Variants in SYNPO2 observed in about 807,000 individuals in gnomAD.
SYNPO2 encodes synaptopodin-2.
Under a neutral mutation model 85.0 loss-of-function variants are expected in SYNPO2, and 56 were observed. That is an observed-to-expected ratio of 0.66 (90% CI 0.53 to 0.82). The LOEUF (loss-of-function observed/expected upper bound fraction) is 0.82, where lower values mean the gene tolerates loss of function less well. Ranked by LOEUF, SYNPO2 falls within the 40% of genes least tolerant of loss-of-function variation. SYNPO2 has a pLI of 0.00. For missense variants in SYNPO2, 1,575 were observed against 1,534.2 expected (o/e 1.03, Z -0.44); for synonymous variants, 602 against 591.1 (o/e 1.02, Z -0.27).
chr4:118,883,018 C>A (rs1488614711), intron 1 of SYNPO2, among the ~76,000 whole-genome samples: 1 of 151,358 alleles, frequency 6.6e-6, no homozygotes, highest in Non-Finnish European at 1.5e-5. Context: ...TCCTCGGCCT[C>A]CCAAAGTGCT....
chr4:118,907,634 A>G (rs1454948287), intron 1 of SYNPO2, among the ~76,000 whole-genome samples: 1 of 152,200 alleles, frequency 6.6e-6, no homozygotes, highest in Non-Finnish European at 1.5e-5. Flanking sequence ...GTGTCCTACA[A>G]ATGACTTCTT....
intron 1 of SYNPO2, among the ~76,000 whole-genome samples, chr4:118,947,484 A>G (rs563337386): frequency 6.6e-6 from 1 of 152,322 alleles, no homozygotes; most frequent in South Asian, 2.1e-4. Context: ...AATGACCTTC[A>G]GTTCCAGTCC....
At chr4:118,979,964 T>G (rs182458982) in intron 1 of SYNPO2, among the ~76,000 whole-genome samples, 46 of 152,328 alleles carry the variant, frequency 3.0e-4, no homozygotes, top group African/African-American at 1.1e-3. Context: ...AGACTGGATC[T>G]CAACCATCAC....
chr4:118,996,725 C>T (rs1293599684), intron 1 of SYNPO2, among the ~76,000 whole-genome samples: 1 of 151,654 alleles, frequency 6.6e-6, no homozygotes, highest in African/African-American at 2.4e-5. Flanking sequence ...GGCGTGGTGG[C>T]ACACGCCTGT....
At chr4:118,996,634 G>T (rs1038129738) in intron 1 of SYNPO2, among the ~76,000 whole-genome samples, 5 of 152,016 alleles carry the variant, frequency 3.3e-5, no homozygotes, top group Admixed American at 3.3e-4. Flanking sequence ...AGTGGGGGTG[G>T]ATCATGAGGT....
At chr4:118,983,760 C>T (rs945700169) in intron 1 of SYNPO2, among the ~76,000 whole-genome samples, 3 of 105,894 alleles carry the variant, frequency 2.8e-5, no homozygotes, top group Non-Finnish European at 6.2e-5. Context: ...CATAACTCCT[C>T]AGTAATATTT....
intron 1 of SYNPO2, among the ~76,000 whole-genome samples, chr4:119,006,734 T>G (rs1737043997): frequency 6.6e-6 from 1 of 152,164 alleles, no homozygotes; most frequent in South Asian, 2.1e-4. Context: ...TAAAATTTAA[T>G]TTTTTATGGA....
intron 1 of SYNPO2, among the ~76,000 whole-genome samples, chr4:118,890,733 C>CTCTCTCTCTCTCTCTCTCTCTGTG (rs749295331): frequency 3.2e-5 from 4 of 126,146 alleles, no homozygotes; most frequent in Admixed American, 8.2e-5. Context: ...CTCTCTCTCT[C>CTCTCTCTCTCTCTCTCTCTCTGTG]TGTGTGTGTG....
At chr4:118,918,956 A>G (rs992004528) in intron 1 of SYNPO2, among the ~76,000 whole-genome samples, 17 of 152,238 alleles carry the variant, frequency 1.1e-4, no homozygotes, top group African/African-American at 3.9e-4. Context: ...AATTGTACCA[A>G]CCAGACAGAA....
rs757172221 is a variant in SYNPO2, at chr4:119,027,055, C to T, written c.686C>T (p.Pro229Leu). 2.5e-6 allele frequency: 4 copies of T among 1,614,106 alleles called. No individual in the cohort carries two copies. In the African/African-American group the frequency reaches 5.3e-5, roughly 22 times the overall value. The change falls in exon 3 of 5, where the codon CCA becomes CTA. Residue 229 changes from proline to leucine, a missense_variant. Pro to Leu is a moderately conservative substitution (Grantham distance 98). Around this residue, in one of 3 missense-constraint regions of SYNPO2, gnomAD observed 1,508 missense variants for 1,446.8 expected, o/e 1.04. Transcript: ENST00000307142. ...GCTGAAAAATCTAAGTCTCCTGACC[C>T]AGACCCTAACTTGTCACATGACAGG... is the stretch of plus-strand genomic sequence containing the variant. ...PGAEKSKSPD[P>L]DPNLSHDRIV...
intron 1 of SYNPO2, among the ~76,000 whole-genome samples, chr4:118,972,442 T>C (rs1735574559): frequency 6.6e-6 from 1 of 151,738 alleles, no homozygotes; most frequent in African/African-American, 2.4e-5. Context: ...AGACCCTGTC[T>C]CAAAAAAAAA....
At chr4:119,044,234 C>T (rs1738809316) in intron 4 of SYNPO2, among the ~76,000 whole-genome samples, 2 of 152,296 alleles carry the variant, frequency 1.3e-5, no homozygotes, top group South Asian at 2.1e-4. Flanking sequence ...AGCACATGAT[C>T]GTGACCATCA....
intron 1 of SYNPO2, among the ~76,000 whole-genome samples, chr4:118,930,521 A>T (rs1397988166): frequency 6.6e-6 from 1 of 152,122 alleles, no homozygotes; most frequent in Non-Finnish European, 1.5e-5. Context: ...TCCTATTTGC[A>T]GCAAAGGGCC....
chr4:119,016,934 C>A (rs965315214), intron 1 of SYNPO2, among the ~76,000 whole-genome samples: 3 of 152,158 alleles, frequency 2.0e-5, no homozygotes, highest in African/African-American at 7.2e-5. Flanking sequence ...ACTCCAGGAA[C>A]CTTTCCAAGG....
intron 1 of SYNPO2, among the ~76,000 whole-genome samples, chr4:118,967,292 C>T (rs888996624): frequency 2.0e-5 from 3 of 152,132 alleles, no homozygotes; most frequent in Non-Finnish European, 4.4e-5. Flanking sequence ...GCGGAGGAAC[C>T]ACGTAAATAT....
At chr4:118,855,454 T>C (rs1048191466) in intron 1 of SYNPO2, among the ~76,000 whole-genome samples, 1 of 152,132 alleles carries the variant, frequency 6.6e-6, no homozygotes, top group African/African-American at 2.4e-5. Context: ...GCAATCATAA[T>C]TGAGAATATT....
chr4:118,880,287 C>T (rs1157608570), intron 1 of SYNPO2, among the ~76,000 whole-genome samples: 1 of 152,130 alleles, frequency 6.6e-6, no homozygotes, highest in Non-Finnish European at 1.5e-5. Flanking sequence ...TATCTGTATG[C>T]TGTGCATTCT....
chr4:118,934,931 G>A (rs555489663), intron 1 of SYNPO2, among the ~76,000 whole-genome samples: 23 of 152,158 alleles, frequency 1.5e-4, no homozygotes, highest in African/African-American at 5.5e-4. Flanking sequence ...GCCCTTTTTA[G>A]CCACAGAAAG....
chr4:119,034,639 G>T (rs911352889), intron 4 of SYNPO2: 79 of 985,342 alleles, frequency 8.0e-5, no homozygotes, highest in Admixed American at 8.0e-4. Context: ...GAGGGTGGAA[G>T]TTCTCCAAAA....
Sources: gnomAD v4.1 joint callset for allele counts (sites outside exome capture counted in the v4.1 genomes callset) on GRCh38, gnomAD v4.1.1 for gene constraint, gnomAD v4.1.1 regional missense constraint, MANE v1.5 for transcripts, NCBI Gene and HGNC (gene_info 2026-07-23, HGNC 2026-07-21) for gene names.